Variants in ATIC observed in about 807,000 individuals in gnomAD.
ATIC encodes the protein 5-aminoimidazole-4-carboxamide ribonucleotide formyltransferase/IMP cyclohydrolase, also known as bifunctional purine biosynthesis protein ATIC.
Under a neutral mutation model 72.5 loss-of-function variants are expected in ATIC, and 64 were observed. The observed-to-expected ratio is 0.88, with a 90% CI of 0.72 to 1.09. The LOEUF (loss-of-function observed/expected upper bound fraction) is 1.09. Among genes scored for constraint, ATIC ranks in the 50% least tolerant of loss-of-function variants. The pLI is 0.00. For synonymous variants in ATIC, 281 were observed against 267.1 expected, an observed-to-expected ratio of 1.05 and a Z score of -0.51; for missense variants, 787 against 732.4, an observed-to-expected ratio of 1.07 and a Z score of -0.86.
chr2:215,336,608 A>G lies in ATIC; in HGVS notation c.1098+484A>G, dbSNP rs544365773. Among the ~76,000 whole-genome samples the G allele has an allele frequency of 2.1e-3, 318 of 152,330 alleles. 2 individuals are homozygous for G. Among genetic ancestry groups the G allele is most frequent in the East Asian group, 1.9e-3 (10 of 5,182 alleles). ...CCTGAAATAGTCTATGTATTCAGCA[A>G]ATATTTGCATGTGCATTTCTTTTTC... On this transcript the variant is annotated intron_variant, in intron 11 of 15. Transcript: ENST00000236959.
At chr2:215,351,700 G>T (rs2053132122), downstream of ATIC, among the ~76,000 whole-genome samples, 1 of 152,198 alleles carries the variant, frequency 6.6e-6, no homozygotes, top group Non-Finnish European at 1.5e-5. Context: ...AAGAATTCTA[G>T]GTAATTTACA....
Position 215,326,001 on chromosome 2 carries a change from C to T in ATIC, c.394C>T (p.Leu132=). The part of the protein sequence containing the change: ...EQIDIGGVTL[L]RAAAKNHARV... The stretch of plus-strand genomic sequence containing the variant: ...GTTCTTCAAAGGTGGAGTAACCTTA[C>T]TGAGAGCTGCAGCCAAAAACCACGC... The change falls in exon 6 of 16, where the codon CTG becomes TTG. Residue 132 remains leucine (L), a synonymous_variant. Transcript: ENST00000236959. 1 of 1,614,144 alleles carries T rather than the reference C, an allele frequency of 6.2e-7. No homozygotes were observed. The highest frequency in any genetic ancestry group is 8.5e-7 in the Non-Finnish European group (1 of 1,180,002).
intron 9 of ATIC, among the ~76,000 whole-genome samples, chr2:215,334,549 T>G (rs1465502396): frequency 6.6e-6 from 1 of 152,212 alleles, no homozygotes; most frequent in Non-Finnish European, 1.5e-5. Context: ...ACTTGTTGAA[T>G]TTAATAACCC....
At chr2:215,363,020 TAC>T in the ATIC span, 8 of 152,342 alleles carry the variant, frequency 5.3e-5, no homozygotes, top group African/African-American at 1.9e-4. Flanking sequence ...CCCTAAATAA[TAC>T]AGTCACTTTC....
chr2:215,318,940 GAT>G (rs2052738990), intron 3 of ATIC, among the ~76,000 whole-genome samples: 1 of 151,626 alleles, frequency 6.6e-6, no homozygotes, highest in Non-Finnish European at 1.5e-5. Flanking sequence ...GCAGTGGTGC[GAT>G]CATGGCTCGC....
At chr2:215,347,500 A>G (rs2053084473) in intron 14 of ATIC, 1 of 453,362 alleles carries the variant, frequency 2.2e-6, no homozygotes, top group Non-Finnish European at 4.4e-6. Context: ...GAAAAGATCT[A>G]GCCCAGTTTC....
At position 215,338,860 on chromosome 2, in the gene ATIC, G is replaced by A. The variant is rs760293133; in HGVS notation, c.1180G>A (p.Val394Ile). Reference sequence around the variant, plus strand: ...TTTAAGCCAGAAGAGAAATAATGGTGTCGTCGACAAGTCATTATTTAGCAA... The same window carrying A: ...TTTAAGCCAGAAGAGAAATAATGGTATCGTCGACAAGTCATTATTTAGCAA... ...LHLSQKRNNGVVDKSLFSNVV... is the reference protein window; with the variant it reads ...LHLSQKRNNGIVDKSLFSNVV... Residue 394 changes from valine to isoleucine, a missense_variant, in exon 12 of 16, where the codon GTC becomes ATC. Physicochemically the swap from Val to Ile is conservative, Grantham distance 29. Coordinates refer to ENST00000236959, the MANE Select transcript of ATIC (RefSeq NM_004044.7). The A allele has an allele frequency of 1.4e-4, 224 of 1,613,714 alleles. No homozygotes were observed. Among genetic ancestry groups the A allele is most frequent in the Non-Finnish European group, 1.8e-4 (217 of 1,179,864 alleles).
intron 12 of ATIC, among the ~76,000 whole-genome samples, chr2:215,344,292 A>G (rs763888504): frequency 2.6e-5 from 4 of 152,224 alleles, no homozygotes; most frequent in Non-Finnish European, 5.9e-5. Context: ...TGTGTTAAAT[A>G]TTTAAGTAAA....
chr2:215,335,019 A>T lies in ATIC; in HGVS notation c.1008+15A>T. The T allele has an allele frequency of 6.3e-7, 1 of 1,582,828 alleles. No individual in the cohort carries two copies. Among genetic ancestry groups the T allele is most frequent in the Non-Finnish European group, 8.7e-7 (1 of 1,152,124 alleles). ...TTTCCAGAGAAGTTAGTGGACATTC[A>T]TGTATCTTAATCTGTGTGTTGAATA... On this transcript the variant is annotated intron_variant, in intron 10 of 15. Transcript: ENST00000236959.
chr2:215,324,031 G>A (rs2052796754), intron 4 of ATIC, among the ~76,000 whole-genome samples: 1 of 152,180 alleles, frequency 6.6e-6, no homozygotes, highest in Admixed American at 6.5e-5. Context: ...CAAAGTGCTG[G>A]GATTGCAGGC....
Position 215,349,520 on chromosome 2 carries a change from A to G in ATIC, c.1660-16A>G. 1 of 1,614,138 alleles carries G rather than the reference A, an allele frequency of 6.2e-7. No homozygotes were observed. Among genetic ancestry groups the G allele is most frequent in the Non-Finnish European group, 8.5e-7 (1 of 1,180,030 alleles). ...TACATAAAATCGCGTTTTGAAAATC[A>G]ATATACTTCCCCCAGAGTGGTGTGG... On this transcript the variant is annotated splice_polypyrimidine_tract_variant and intron_variant, in intron 15 of 15. Coordinates refer to ENST00000236959, the MANE Select transcript of ATIC (RefSeq NM_004044.7).
At chr2:215,331,452 G>C (rs1345357667) in intron 7 of ATIC, among the ~76,000 whole-genome samples, 2 of 144,832 alleles carry the variant, frequency 1.4e-5, no homozygotes, top group African/African-American at 5.1e-5. Flanking sequence ...GCGCGGTTTC[G>C]GCTCACTACA....
In ATIC at chr2:215,333,342, C is replaced by A. The variant is rs766883760; in HGVS notation, c.815-8C>A. Reference sequence around the variant, plus strand: ...TCTTTGTTTATGATTTTACTATTTTCTAACCAGGTGCTGCTGTTGGAATTC... The same window carrying A: ...TCTTTGTTTATGATTTTACTATTTTATAACCAGGTGCTGCTGTTGGAATTC... On this transcript the variant is annotated splice_polypyrimidine_tract_variant and splice_region_variant and intron_variant, in intron 8 of 15. Transcript: ENST00000236959. 5 of 1,612,602 alleles carry A rather than the reference C, an allele frequency of 3.1e-6. No individual in the cohort carries two copies. The highest frequency in any genetic ancestry group is 4.2e-6 in the Non-Finnish European group (5 of 1,178,632).
chr2:215,366,769 C>T, the ATIC span, among the ~76,000 whole-genome samples: 5 of 152,238 alleles, frequency 3.3e-5, no homozygotes, highest in Admixed American at 6.5e-5. Context: ...ATGAACTTGA[C>T]ATCCCCGCTC....
intron 12 of ATIC, among the ~76,000 whole-genome samples, chr2:215,343,641 C>G (rs1559279068): frequency 6.6e-6 from 1 of 152,018 alleles, no homozygotes; most frequent in African/African-American, 2.4e-5. Flanking sequence ...TGTCCTGTTA[C>G]AGAGTTTTTA....
chr2:215,367,743 C>G, the ATIC span: 1 of 970,390 alleles, frequency 1.0e-6, no homozygotes, highest in Non-Finnish European at 1.6e-6. Context: ...ACAGTATTCT[C>G]TTGTTTGCTT....
At chr2:215,326,372 A>T (rs888272170) in intron 6 of ATIC, among the ~76,000 whole-genome samples, 9 of 152,248 alleles carry the variant, frequency 5.9e-5, no homozygotes, top group Admixed American at 5.9e-4. Context: ...TGGGAGGCCG[A>T]GGCGGGCGGA....
chr2:215,349,030 T>A (rs2053101651), intron 14 of ATIC, 64 bp from the exon 15 acceptor site: 2 of 1,561,438 alleles, frequency 1.3e-6, no homozygotes, highest in Admixed American at 3.4e-5. Flanking sequence ...GCATGGTGAT[T>A]TGCACCACAT....
the ATIC span, chr2:215,361,885 C>T: frequency 7.4e-7 from 1 of 1,356,192 alleles, no homozygotes; most frequent in Non-Finnish European, 1.0e-6. Context: ...TTAATTAAAA[C>T]ACTTGGTTCA....
Sources: allele counts gnomAD v4.1 joint callset (sites outside exome capture counted in the v4.1 genomes callset), GRCh38; gene constraint gnomAD v4.1.1; transcripts MANE v1.5; gene names NCBI Gene and HGNC (gene_info 2026-07-23, HGNC 2026-07-21).